MEGF6: variants seen among roughly 807,000 people sequenced by gnomAD.
MEGF6 encodes multiple EGF like domains 6, also known as multiple epidermal growth factor-like domains protein 6.
In MEGF6, 184 loss-of-function variants were observed where a neutral mutation model predicts 207.1. The observed-to-expected ratio is 0.89, with a 90% confidence interval of 0.79 to 1.00. MEGF6 has a LOEUF of 1.00. Ranked by LOEUF, MEGF6 falls within the 50% of genes least tolerant of loss-of-function variation. The pLI is 0.00. For synonymous variants in MEGF6, 1,038 were observed against 910.0 expected, an observed-to-expected ratio of 1.14 and a Z score of -2.53; for missense variants, 2,282 against 2,202.9, an observed-to-expected ratio of 1.04 and a Z score of -0.72.
intron 18 of MEGF6, 40 bp from the exon 19 acceptor site, chr1:3,501,348 C>T (rs1430037057): frequency 1.1e-5 from 17 of 1,563,146 alleles, no homozygotes; most frequent in Non-Finnish European, 1.5e-5. Flanking sequence ...CCCAAGCTGC[C>T]CTTGCTCAAC....
chr1:3,511,037 G>T, intron 9 of MEGF6, 135 bp from the exon 10 acceptor site: 1 of 1,277,286 alleles, frequency 7.8e-7, no homozygotes, highest in Non-Finnish European at 1.1e-6. Flanking sequence ...AGCCTCACGT[G>T]TGCACACCGA....
At position 3,506,174 on chromosome 1, in the gene MEGF6, G is replaced by A. The variant is rs376836996; in HGVS notation, c.1852C>T (p.Arg618Trp). 70 of 1,594,990 alleles carry A rather than the reference G, an allele frequency of 4.4e-5. No homozygotes were observed. In the Middle Eastern group the frequency reaches 5.0e-4, roughly 11 times the overall value. Residue 618 changes from arginine to tryptophan, a missense_variant, in exon 15 of 37, where the codon CGG (arginine) becomes TGG (tryptophan). Transcript: ENST00000356575. ...CAGGCCCCGTAGAGGCGGTGGCACC[G>A]GCCCCGGTTGGCACAGTTGCATTTC... ...RKKCNCANRGRCHRLYGACLC... is the reference protein window; with the variant it reads ...RKKCNCANRGWCHRLYGACLC...
At chr1:3,546,625 C>T (rs1282666923) in intron 4 of MEGF6, among the ~76,000 whole-genome samples, 1 of 121,160 alleles carries the variant, frequency 8.3e-6, no homozygotes, top group South Asian at 2.8e-4. Context: ...CCAGGGAGGC[C>T]GAGGTGGGGT....
rs1428073698 is a variant in MEGF6 at position 3,495,907 on chromosome 1, C to T, written c.3854G>A (p.Gly1285Asp). 6.3e-7 allele frequency: 1 copy of T among 1,598,014 alleles called. No individual in the cohort carries two copies. The highest frequency in any genetic ancestry group is 8.5e-7 in the Non-Finnish European group (1 of 1,179,102). The change falls in exon 30 of 37, where the codon GGC (glycine) becomes GAC (aspartate). Residue 1285 changes from glycine (G) to aspartate (D), a missense_variant. Physicochemically the swap from Gly to Asp is moderately conservative, Grantham distance 94. Coordinates refer to ENST00000356575, the MANE Select transcript of MEGF6 (RefSeq NM_001409.4). ...ACACTCACCTCGCTCACAGCGGACG[C>T]CGGCTCTCCCCGGGGGGCAGAGGCA... ...GTCLCPPGRAGVRCERGCPQN... is the reference protein window; with the variant it reads ...GTCLCPPGRADVRCERGCPQN...
At chr1:3,531,401 G>A (rs1642166077) in intron 4 of MEGF6, 5 of 1,154,698 alleles carry the variant, frequency 4.3e-6, no homozygotes, top group Non-Finnish European at 5.3e-6. Context: ...GCGCCGCCCG[G>A]GAGCCGCTCT....
At position 3,573,419 on chromosome 1, in the gene MEGF6, C is replaced by G. The variant is rs115162373; in HGVS notation, c.481+6406G>C. ...GCTTGGCTGCACCCAAAGGTAAGCA[C>G]GGGAAACAGTGCGGGGAGCCTGGAA... On this transcript the variant is annotated intron_variant, in intron 4 of 36. Coordinates refer to ENST00000356575, the MANE Select transcript of MEGF6 (RefSeq NM_001409.4). This position sits in a 1 kb window ranked among gnomAD's most constrained non-coding sequence, Gnocchi z 5.1. Among the ~76,000 whole-genome samples, 1,174 of 152,318 alleles carry G rather than the reference C, an allele frequency of 7.7e-3. 19 individuals are homozygous for G. The highest frequency in any genetic ancestry group is 0.026 in the African/African-American group (1,099 of 41,560).
At chr1:3,589,799 T>C (rs538127494) in intron 3 of MEGF6, among the ~76,000 whole-genome samples, 7 of 152,338 alleles carry the variant, frequency 4.6e-5, no homozygotes, top group African/African-American at 1.2e-4. Flanking sequence ...CTCTGTGACT[T>C]TGTGGCTTCT....
intron 2 of MEGF6, among the ~76,000 whole-genome samples, chr1:3,597,496 G>A (rs1446750472): frequency 6.6e-6 from 1 of 152,218 alleles, no homozygotes; most frequent in African/African-American, 2.4e-5. Context: ...CCACCCGGCT[G>A]TGACCTTACT....
At chr1:3,576,114 C>T (rs1196310110) in intron 4 of MEGF6, among the ~76,000 whole-genome samples, 2 of 152,254 alleles carry the variant, frequency 1.3e-5, no homozygotes, top group Admixed American at 1.3e-4. Context: ...CTGGCCCTGA[C>T]TGTGACTGCG....
rs1643752327 is a variant in MEGF6 at position 3,579,921 on chromosome 1, T to C, written c.385A>G (p.Ser129Gly). 5 of 1,522,428 alleles carry C rather than the reference T, an allele frequency of 3.3e-6. No homozygotes were observed. The highest frequency in any genetic ancestry group is 4.4e-6 in the Non-Finnish European group (5 of 1,142,668). 94.3% of individuals were successfully genotyped at this position (1,522,428 alleles called of 1,614,324 possible). ...DEEGCLSAEC[S>G]ASLCFHGGRC... Reference sequence around the variant, plus strand: ...CCACCGTGAAAACAGAGGCTGGCGCTGCATTCAGCTGCGGAGGGAAGGAGA... The same window carrying C: ...CCACCGTGAAAACAGAGGCTGGCGCCGCATTCAGCTGCGGAGGGAAGGAGA... Residue 129 changes from serine (S) to glycine (G), a missense_variant, in exon 4 of 37, where the codon AGC becomes GGC. Physicochemically the swap from Ser to Gly is moderately conservative, Grantham distance 56 (BLOSUM62 0). Coordinates refer to ENST00000356575, the MANE Select transcript of MEGF6 (RefSeq NM_001409.4).
intron 4 of MEGF6, among the ~76,000 whole-genome samples, chr1:3,536,044 G>A (rs1034019361): frequency 2.0e-5 from 3 of 152,140 alleles, no homozygotes; most frequent in African/African-American, 2.4e-5. Flanking sequence ...CTCCGGCTTC[G>A]CACCCTGGCT....
intron 4 of MEGF6, among the ~76,000 whole-genome samples, chr1:3,554,732 A>G (rs1642985325): frequency 1.3e-5 from 2 of 152,172 alleles, no homozygotes; most frequent in South Asian, 4.1e-4. Context: ...CTCTCCCTCC[A>G]TGAGGACATG....
intron 2 of MEGF6, 29 bp downstream of exon 2, chr1:3,602,437 C>T (rs766851149): frequency 1.9e-6 from 3 of 1,612,828 alleles, no homozygotes; most frequent in Non-Finnish European, 2.5e-6. Flanking sequence ...GAATGGAGCC[C>T]CTCCCCCAAC....
intron 5 of MEGF6, among the ~76,000 whole-genome samples, chr1:3,520,397 A>C (rs1641699589): frequency 6.6e-6 from 1 of 152,230 alleles, no homozygotes; most frequent in African/African-American, 2.4e-5. Context: ...CGGAAAACCA[A>C]GAATGATGCC....
chr1:3,606,004 A>G (rs1241514174), intron 1 of MEGF6, among the ~76,000 whole-genome samples: 1 of 152,078 alleles, frequency 6.6e-6, no homozygotes, highest in Non-Finnish European at 1.5e-5. Context: ...TCCTCCTCCT[A>G]CTGACAGATA....
intron 4 of MEGF6, among the ~76,000 whole-genome samples, chr1:3,555,108 A>T (rs1406590263): frequency 1.3e-5 from 2 of 152,188 alleles, no homozygotes; most frequent in Non-Finnish European, 2.9e-5. Flanking sequence ...CACCAGGCCA[A>T]CACCCCACGC....
intron 4 of MEGF6, chr1:3,531,580 C>G: frequency 1.2e-6 from 1 of 841,556 alleles, no homozygotes; most frequent in Non-Finnish European, 1.4e-6. Context: ...CGCATTCCAG[C>G]GTGCGCGCTC....
intron 8 of MEGF6, 143 bp downstream of exon 8, chr1:3,511,863 C>T: frequency 6.9e-7 from 1 of 1,457,184 alleles, no homozygotes; most frequent in Non-Finnish European, 9.2e-7. Context: ...CTCCCTCGAC[C>T]CTCTGCTCAC....
chr1:3,604,536 T>C (rs116118465), intron 1 of MEGF6, among the ~76,000 whole-genome samples: 1,565 of 152,234 alleles, frequency 0.01, 36 homozygotes, highest in African/African-American at 0.036. Context: ...GGAAGACAAC[T>C]CTCACCTGGG....
Sources: gnomAD v4.1 joint callset for allele counts (sites outside exome capture counted in the v4.1 genomes callset) on GRCh38, gnomAD v4.1.1 for gene constraint, Gnocchi (gnomAD v3.1) non-coding constraint, MANE v1.5 for transcripts, NCBI Gene and HGNC (gene_info 2026-07-23, HGNC 2026-07-21) for gene names.